The following PSKH2 variants were observed in gnomAD, a reference collection of about 807,000 sequenced individuals.
PSKH2 encodes the protein serine/threonine-protein kinase H2.
A neutral mutation model predicts 22.5 loss-of-function variants in PSKH2; 16 were observed. That is an observed-to-expected ratio of 0.71 (90% CI 0.48 to 1.08). The LOEUF (loss-of-function observed/expected upper bound fraction) is 1.08. Among genes scored for constraint, PSKH2 ranks in the 50% least tolerant of loss-of-function variants. The probability of loss-of-function intolerance (pLI) is 0.00; values close to 1 mark genes in which losing one functional copy is unlikely to be tolerated. For missense variants in PSKH2, 516 were observed against 492.8 expected (o/e 1.05, Z -0.44); for synonymous variants, 188 against 184.8 (o/e 1.02, Z -0.14).
At chr8:86,051,805 C>G (rs1277125792) in intron 2 of PSKH2, among the ~76,000 whole-genome samples, 2 of 152,100 alleles carry the variant, frequency 1.3e-5, no homozygotes, top group African/African-American at 2.4e-5. Context: ...AATGATTGTA[C>G]GTTTAAAATG....
chr8:86,057,424 G>GTGCAGTGGCTGGAGTGCAGTGGCCCGA (rs1817715927), intron 2 of PSKH2, among the ~76,000 whole-genome samples: 1 of 151,814 alleles, frequency 6.6e-6, no homozygotes, highest in African/African-American at 2.4e-5. Flanking sequence ...CCAGGCTGGA[G>GTGCAGTGGCTGGAGTGCAGTGGCCCGA]TGCAGTGGCT....
chr8:86,049,733 A>AGAAAGAAAGAAAGAAAG (rs1817595043), intron 2 of PSKH2, among the ~76,000 whole-genome samples: 2 of 50,382 alleles, frequency 4.0e-5, no homozygotes, highest in South Asian at 1.6e-3. Context: ...AAAGAAAGAA[A>AGAAAGAAAGAAAGAAAG]GAAAGAAAGA....
chr8:86,049,738 GAAA>G (rs1410341357), intron 2 of PSKH2, among the ~76,000 whole-genome samples: 6,048 of 35,408 alleles, frequency 0.17, 677 homozygotes, highest in East Asian at 0.35. Flanking sequence ...AAGAAAGAAA[GAAA>G]GAAAGAAACG....
intron 1 of PSKH2, among the ~76,000 whole-genome samples, chr8:86,066,809 C>T (rs1277323968): frequency 6.6e-6 from 1 of 152,100 alleles, no homozygotes; most frequent in East Asian, 1.9e-4. Context: ...GGCCAATTAC[C>T]TTATCAAAAC....
At chr8:86,049,682 GAA>G (rs1220030826) in intron 2 of PSKH2, among the ~76,000 whole-genome samples, 1 of 9,264 alleles carries the variant, frequency 1.1e-4, no homozygotes, top group Non-Finnish European at 3.4e-4. Flanking sequence ...AAAGAAGAAA[GAA>G]AGAAAGAAAG....
intron 2 of PSKH2, among the ~76,000 whole-genome samples, chr8:86,052,020 T>C (rs747509738): frequency 3.9e-4 from 59 of 152,322 alleles, no homozygotes; most frequent in African/African-American, 1.4e-3. Context: ...CTAAAATTGA[T>C]TTTCATCTAT....
intron 1 of PSKH2, among the ~76,000 whole-genome samples, chr8:86,068,326 C>T (rs918253289): frequency 1.2e-4 from 18 of 152,106 alleles, no homozygotes; most frequent in African/African-American, 4.1e-4. Flanking sequence ...TTGTGTCTCC[C>T]CAAACACACA....
chr8:86,054,780 A>T (rs1255469546), intron 2 of PSKH2, among the ~76,000 whole-genome samples: 1 of 152,168 alleles, frequency 6.6e-6, no homozygotes, highest in Non-Finnish European at 1.5e-5. Context: ...GCTCATAAAG[A>T]GTTTATTTTT....
chr8:86,060,408 A>G (rs1817759944), intron 2 of PSKH2, among the ~76,000 whole-genome samples: 1 of 152,034 alleles, frequency 6.6e-6, no homozygotes, highest in East Asian at 1.9e-4. Flanking sequence ...ACCTGGTTTT[A>G]AATAAAATTG....
chr8:86,053,451 G>T (rs921234468), intron 2 of PSKH2, among the ~76,000 whole-genome samples: 1 of 152,070 alleles, frequency 6.6e-6, no homozygotes, highest in Non-Finnish European at 1.5e-5. Context: ...ACATCACTTT[G>T]TGTACTATAG....
chr8:86,069,166 C>G (rs150939580), intron 1 of PSKH2, among the ~76,000 whole-genome samples: 77 of 152,184 alleles, frequency 5.1e-4, no homozygotes, highest in African/African-American at 1.5e-3. Flanking sequence ...AAGTTAGGCT[C>G]CTGCCCTCCC....
chr8:86,051,374 A>C (rs1379891174), intron 2 of PSKH2, among the ~76,000 whole-genome samples: 2 of 152,160 alleles, frequency 1.3e-5, no homozygotes, highest in Admixed American at 6.5e-5. Flanking sequence ...AGGCGTAAAC[A>C]CTGCCCCCCG....
intron 2 of PSKH2, among the ~76,000 whole-genome samples, chr8:86,055,138 T>C (rs1463024866): frequency 6.6e-6 from 1 of 152,186 alleles, no homozygotes; most frequent in African/African-American, 2.4e-5. Flanking sequence ...TATTAAAGTA[T>C]AATATAAACA....
intron 2 of PSKH2, among the ~76,000 whole-genome samples, chr8:86,056,673 T>C (rs1274487468): frequency 6.6e-6 from 1 of 152,180 alleles, no homozygotes; most frequent in African/African-American, 2.4e-5. Context: ...AATGAACATA[T>C]ATACAGCACT....
At chr8:86,069,894 C>T (rs73255263), upstream of PSKH2, among the ~76,000 whole-genome samples, 6,365 of 152,256 alleles carry the variant, frequency 0.042, 466 homozygotes, top group African/African-American at 0.14. Context: ...CTGGGCTTCA[C>T]TTTCTGCATC....
chr8:86,064,626 T>A lies in PSKH2; in HGVS notation c.191A>T (p.Asp64Val), dbSNP rs1359962224. ...GCCTGTCCCAATAAGAGCTTTGATG[T>A]CATATCTGTTGGGAAGAAAAACCAA... is the stretch of plus-strand genomic sequence containing the variant. ...KFDPRVLARY[D>V]IKALIGTGSF... Residue 64 changes from aspartate to valine, a missense_variant, in exon 2 of 3, where the codon GAC becomes GTC. Physicochemically the swap from Asp to Val is radical, Grantham distance 152. Transcript: ENST00000276616. 19 of 1,608,880 alleles carry A rather than the reference T, an allele frequency of 1.2e-5. No individual in the cohort carries two copies. The highest frequency in any genetic ancestry group is 1.5e-5 in the Non-Finnish European group (18 of 1,178,062).
intron 2 of PSKH2, among the ~76,000 whole-genome samples, chr8:86,053,582 A>G (rs1586058881): frequency 6.6e-6 from 1 of 152,128 alleles, no homozygotes; most frequent in East Asian, 1.9e-4. Flanking sequence ...CTTTTTTATG[A>G]ACACCAATTA....
At chr8:86,058,850 T>C (rs899045402) in intron 2 of PSKH2, among the ~76,000 whole-genome samples, 1 of 152,144 alleles carries the variant, frequency 6.6e-6, no homozygotes, top group Non-Finnish European at 1.5e-5. Context: ...TAGTATAATA[T>C]TTAGTATTAT....
chr8:86,059,128 A>G (rs552719550), intron 2 of PSKH2, among the ~76,000 whole-genome samples: 2 of 152,194 alleles, frequency 1.3e-5, no homozygotes, highest in East Asian at 1.9e-4. Flanking sequence ...TTTTGTAGAC[A>G]TAATGTTTTG....
Sources: allele counts gnomAD v4.1 joint callset (sites outside exome capture counted in the v4.1 genomes callset), GRCh38; gene constraint gnomAD v4.1.1; transcripts MANE v1.5; gene names NCBI Gene and HGNC (gene_info 2026-07-23, HGNC 2026-07-21).